GSTCD: variants seen among roughly 807,000 people sequenced by gnomAD.
The protein encoded by GSTCD is glutathione S-transferase C-terminal domain-containing protein.
GSTCD carries 44 observed loss-of-function variants against 68.3 expected under a neutral mutation model. The observed-to-expected ratio is 0.64, with a 90% CI of 0.51 to 0.83. The LOEUF (loss-of-function observed/expected upper bound fraction) is 0.83, where lower values mean the gene tolerates loss of function less well. Ranked by LOEUF, GSTCD falls within the 40% of genes least tolerant of loss-of-function variation. The pLI is 0.00. For synonymous variants in GSTCD, 273 were observed against 255.2 expected (o/e 1.07, Z -0.67); for missense variants, 739 against 735.9 (o/e 1.00, Z -0.05).
At chr4:105,794,839 T>C (rs77994402) in intron 5 of GSTCD, among the ~76,000 whole-genome samples, 2,025 of 114,454 alleles carry the variant, frequency 0.018, 17 homozygotes, top group Middle Eastern at 0.052. Flanking sequence ...ATCTATCTAT[T>C]TATCTATCTA....
chr4:105,742,841 A>G (rs1011349818), intron 5 of GSTCD, among the ~76,000 whole-genome samples: 4 of 151,526 alleles, frequency 2.6e-5, no homozygotes, highest in Middle Eastern at 3.2e-3. Flanking sequence ...TATCTTCCCA[A>G]TTAGCTAGGA....
intron 5 of GSTCD, among the ~76,000 whole-genome samples, chr4:105,733,686 C>A (rs1325256000): frequency 6.6e-6 from 1 of 152,054 alleles, no homozygotes; most frequent in Non-Finnish European, 1.5e-5. Flanking sequence ...AGCCCATTTA[C>A]GTTAAGGTTA....
chr4:105,751,187 A>T (rs1360226567), intron 5 of GSTCD, among the ~76,000 whole-genome samples: 1 of 152,132 alleles, frequency 6.6e-6, no homozygotes, highest in Non-Finnish European at 1.5e-5. Context: ...AGATGTCACC[A>T]TTGGGGAAGC....
chr4:105,777,354 C>T (rs1246223337), intron 5 of GSTCD, among the ~76,000 whole-genome samples: 3 of 152,166 alleles, frequency 2.0e-5, no homozygotes, highest in Non-Finnish European at 4.4e-5. Context: ...ATGGATCCTC[C>T]AGGCATAACT....
chr4:105,797,058 GTGTGTGTGTGTGTGTGTGTGTA>G (rs1165481592), intron 5 of GSTCD, among the ~76,000 whole-genome samples: 58 of 150,874 alleles, frequency 3.8e-4, no homozygotes, highest in African/African-American at 1.3e-3. Flanking sequence ...GTGTGTGTGT[GTGTGTGTGTGTGTGTGTGTGTA>G]TGTGTGTGTG....
intron 10 of GSTCD, 113 bp from the exon 11 acceptor site, chr4:105,841,952 C>A: frequency 1.4e-6 from 1 of 729,488 alleles, no homozygotes; most frequent in Non-Finnish European, 2.5e-6. Context: ...GTACTTTATT[C>A]AGTTAAACAA....
chr4:105,775,604 C>T (rs1384697717), intron 5 of GSTCD, among the ~76,000 whole-genome samples: 2 of 152,170 alleles, frequency 1.3e-5, no homozygotes, highest in Non-Finnish European at 2.9e-5. Flanking sequence ...CACTCAGTCC[C>T]GTCTGCTGCA....
Position 105,719,064 on chromosome 4 carries a change from G to A in GSTCD, c.431G>A (p.Ser144Asn), listed in dbSNP as rs750375486. 1.9e-6 allele frequency: 3 copies of A among 1,598,732 alleles called. No homozygotes were observed. The highest frequency in any genetic ancestry group is 2.6e-6 in the Non-Finnish European group (3 of 1,173,700). Residue 144 changes from serine to asparagine, a missense_variant, in exon 3 of 12, where the codon AGT becomes AAT. Physicochemically the swap from Ser to Asn is conservative, Grantham distance 46. Coordinates refer to ENST00000515279, the MANE Select transcript of GSTCD (RefSeq NM_001370181.1). ...TGTTTTGTTTTTGTTTTGTAGGTTA[G>A]TCAGTGGACCAGGCTATGTGAACTC... is the stretch of plus-strand genomic sequence containing the variant. ...KTCLKACAEV[S>N]QWTRLCELTI...
At chr4:105,732,038 T>G (rs933604107) in intron 5 of GSTCD, among the ~76,000 whole-genome samples, 10 of 152,204 alleles carry the variant, frequency 6.6e-5, no homozygotes, top group Admixed American at 1.3e-4. Context: ...TCCCAGGGAT[T>G]AAGCCTACTT....
chr4:105,753,243 A>G (rs1320256459), intron 5 of GSTCD: 1 of 152,106 alleles, frequency 6.6e-6, no homozygotes, highest in Non-Finnish European at 1.5e-5. Flanking sequence ...AAGTAGAACA[A>G]AACTTACTGT....
chr4:105,823,985 G>T (rs1723455397), intron 7 of GSTCD, among the ~76,000 whole-genome samples: 1 of 152,072 alleles, frequency 6.6e-6, no homozygotes, highest in Non-Finnish European at 1.5e-5. Flanking sequence ...TTAGTCTTCT[G>T]CCATGTTAAA....
chr4:105,756,578 GTGTATA>G (rs1560813787), intron 5 of GSTCD, among the ~76,000 whole-genome samples: 2 of 89,700 alleles, frequency 2.2e-5, no homozygotes, highest in African/African-American at 6.9e-5. Context: ...GTGTGTGTGT[GTGTATA>G]TATATATATA....
intron 5 of GSTCD, among the ~76,000 whole-genome samples, chr4:105,762,545 G>T (rs1734453764): frequency 6.6e-6 from 1 of 152,186 alleles, no homozygotes; most frequent in Non-Finnish European, 1.5e-5. Context: ...AGCAGGTGTT[G>T]ATATTTTTCC....
chr4:105,722,126 A>G (rs1471501808), intron 3 of GSTCD, among the ~76,000 whole-genome samples: 1 of 152,056 alleles, frequency 6.6e-6, no homozygotes, highest in East Asian at 1.9e-4. Context: ...TTATGATTTA[A>G]TTTTCTACAT....
chr4:105,773,720 G>A (rs895349656), intron 5 of GSTCD, among the ~76,000 whole-genome samples: 2 of 151,968 alleles, frequency 1.3e-5, no homozygotes, highest in South Asian at 4.1e-4. Flanking sequence ...TGTGGTCTGC[G>A]AGACTGTTAT....
chr4:105,789,294 A>G (rs1479170003), intron 5 of GSTCD, among the ~76,000 whole-genome samples: 1 of 152,112 alleles, frequency 6.6e-6, no homozygotes, highest in African/African-American at 2.4e-5. Flanking sequence ...TGGTTTATAC[A>G]GCGAGTATTT....
At chr4:105,778,779 T>G (rs1735168165) in intron 5 of GSTCD, among the ~76,000 whole-genome samples, 1 of 152,170 alleles carries the variant, frequency 6.6e-6, no homozygotes, top group Non-Finnish European at 1.5e-5. Flanking sequence ...ATTTTTTGTT[T>G]TAATATACTT....
intron 1 of GSTCD, among the ~76,000 whole-genome samples, chr4:105,713,316 G>T (rs1732594189): frequency 6.6e-6 from 1 of 152,098 alleles, no homozygotes; most frequent in Non-Finnish European, 1.5e-5. Flanking sequence ...AATCAGGAAA[G>T]AATTGCCAAA....
chr4:105,834,796 T>G (rs1399048444), intron 9 of GSTCD, among the ~76,000 whole-genome samples: 4 of 152,242 alleles, frequency 2.6e-5, no homozygotes, highest in Non-Finnish European at 2.9e-5. Flanking sequence ...CAGTTTTTAC[T>G]GAAATTTAGA....
Sources: gnomAD v4.1 joint callset for allele counts (sites outside exome capture counted in the v4.1 genomes callset) on GRCh38, gnomAD v4.1.1 for gene constraint, MANE v1.5 for transcripts, NCBI Gene and HGNC (gene_info 2026-07-23, HGNC 2026-07-21) for gene names.